FGD6: variants seen among roughly 807,000 people sequenced by gnomAD.
FGD6 encodes the protein FYVE, RhoGEF and PH domain containing 6.
In FGD6, 90 loss-of-function variants were observed where a neutral mutation model predicts 149.4. The observed-to-expected ratio is 0.60, with a 90% CI of 0.51 to 0.72. The LOEUF is 0.72. Ranked by LOEUF, FGD6 falls within the 30% of genes least tolerant of loss-of-function variation. The pLI is 0.00. For missense variants in FGD6, 1,437 were observed against 1,684.8 expected (o/e 0.85, Z 2.57); for synonymous variants, 527 against 584.0 (o/e 0.90, Z 1.41).
rs186826658 is a variant in FGD6, at chr12:95,112,668, C to A, written c.3133+983G>T. Among the ~76,000 whole-genome samples, 137 of 152,086 alleles carry A rather than the reference C, an allele frequency of 9.0e-4. 1 individual carries two copies. Among genetic ancestry groups the A allele is most frequent in the Non-Finnish European group, 1.6e-4 (11 of 67,974 alleles). On this transcript the variant is annotated intron_variant, in intron 9 of 20. Coordinates refer to ENST00000343958, the MANE Select transcript of FGD6 (RefSeq NM_018351.4). Reference sequence around the variant, plus strand: ...GGTTGTTGGGAATAAACAGAAACACCCAAACAGAATTAATCTGTGTGTATG... The same window carrying A: ...GGTTGTTGGGAATAAACAGAAACACACAAACAGAATTAATCTGTGTGTATG...
chr12:95,175,500 C>T (rs1217741617), intron 2 of FGD6, among the ~76,000 whole-genome samples: 1 of 152,124 alleles, frequency 6.6e-6, no homozygotes, highest in Non-Finnish European at 1.5e-5. Context: ...AATCCCAGCA[C>T]TTTGGGAGGC....
intron 2 of FGD6, among the ~76,000 whole-genome samples, chr12:95,179,487 A>AC (rs1217257834): frequency 2.0e-5 from 3 of 152,122 alleles, no homozygotes; most frequent in Non-Finnish European, 4.4e-5. Flanking sequence ...CAGGTGAGGG[A>AC]CCAAGACCTT....
chr12:95,156,722 G>A (rs890193955), intron 3 of FGD6, among the ~76,000 whole-genome samples: 8 of 151,884 alleles, frequency 5.3e-5, no homozygotes, highest in African/African-American at 1.9e-4. Context: ...CGGCTCAGGG[G>A]GCATCACAGA....
intron 3 of FGD6, among the ~76,000 whole-genome samples, chr12:95,163,932 C>T (rs1425198778): frequency 1.3e-5 from 2 of 152,110 alleles, no homozygotes; most frequent in East Asian, 3.9e-4. Context: ...CTTGTAAGAA[C>T]AATGACTGAT....
intron 2 of FGD6, among the ~76,000 whole-genome samples, chr12:95,188,156 G>C (rs1294127359): frequency 2.2e-5 from 2 of 90,966 alleles, no homozygotes; most frequent in African/African-American, 7.4e-5. Context: ...GCAATATAAA[G>C]CAAAGAGTCC....
rs116867624 is a variant in FGD6 at position 95,103,241 on chromosome 12, C to T, written c.3497+1766G>A. ...TGGCATACAGTAAGTGTTACAAAAG[C>T]GTTTGCTTCTATTTTTATTAGATCA... On this transcript the variant is annotated intron_variant, in intron 14 of 20. Transcript: ENST00000343958. Among the ~76,000 whole-genome samples, 924 of 152,288 alleles carry T rather than the reference C, an allele frequency of 6.1e-3. 3 individuals are homozygous for T. The highest frequency in any genetic ancestry group is 0.01 in the Non-Finnish European group (709 of 68,026).
intron 8 of FGD6, among the ~76,000 whole-genome samples, chr12:95,127,437 G>A (rs1421473660): frequency 1.3e-5 from 2 of 152,074 alleles, no homozygotes; most frequent in East Asian, 1.9e-4. Context: ...CCAGCTACTC[G>A]GGCGGTTGAG....
At chr12:95,126,458 G>GA in intron 8 of FGD6, 1 of 866,760 alleles carries the variant, frequency 1.2e-6, no homozygotes, top group Non-Finnish European at 1.7e-6. Context: ...GCCAGCCATG[G>GA]TGGCTCACGC....
chr12:95,125,982 C>T, intron 8 of FGD6: 2 of 1,390,720 alleles, frequency 1.4e-6, no homozygotes, highest in East Asian at 2.3e-5. Flanking sequence ...GTATGTCCCA[C>T]AAGCCTGGCA....
At chr12:95,122,798 C>T (rs998999774) in intron 8 of FGD6, among the ~76,000 whole-genome samples, 16 of 151,042 alleles carry the variant, frequency 1.1e-4, no homozygotes, top group Admixed American at 6.0e-4. Flanking sequence ...AGTGTCATCT[C>T]GGGAGGGGCA....
rs1243280309 is a variant in FGD6 at position 95,089,558 on chromosome 12, G to C, written c.3978+11C>G. ...CCTCTATCACATTGCAAATTTAATG[G>C]AAACACTTACTTCTTTGAGAGCAGC... On this transcript the variant is annotated intron_variant, in intron 18 of 20. Transcript: ENST00000343958. The C allele has an allele frequency of 6.2e-7, 1 of 1,612,064 alleles. No individual in the cohort carries two copies. Among genetic ancestry groups the C allele is most frequent in the East Asian group, 2.2e-5 (1 of 44,830 alleles).
At chr12:95,127,625 G>A (rs1252799646) in intron 8 of FGD6, among the ~76,000 whole-genome samples, 2 of 152,116 alleles carry the variant, frequency 1.3e-5, no homozygotes, top group Non-Finnish European at 2.9e-5. Context: ...CAAATTTATA[G>A]CTTCAGAACA....
intron 7 of FGD6, among the ~76,000 whole-genome samples, chr12:95,135,981 G>A (rs1879654577): frequency 6.6e-6 from 1 of 152,128 alleles, no homozygotes; most frequent in African/African-American, 2.4e-5. Flanking sequence ...GAGAGGAAAA[G>A]AAGAAAAAAT....
Position 95,193,269 on chromosome 12 carries a change from C to G in FGD6, c.2441+15574G>C, listed in dbSNP as rs560549068. Among the ~76,000 whole-genome samples, 35 of 152,110 alleles carry G rather than the reference C, an allele frequency of 2.3e-4. No homozygotes were observed. In the South Asian group the frequency reaches 7.1e-3, roughly 31 times the overall value. On this transcript the variant is annotated intron_variant, in intron 2 of 20. Coordinates refer to ENST00000343958, the MANE Select transcript of FGD6 (RefSeq NM_018351.4). ...GCCCAGATGTCCTTTAAGTGAAATA[C>G]TACTAATATTTAGCAATACTTAGCA...
chr12:95,146,386 T>A (rs1256166043), intron 5 of FGD6, among the ~76,000 whole-genome samples: 1 of 152,202 alleles, frequency 6.6e-6, no homozygotes, highest in Non-Finnish European at 1.5e-5. Flanking sequence ...GCAAAGCTAT[T>A]TTGAGGCAGA....
intron 5 of FGD6, among the ~76,000 whole-genome samples, chr12:95,142,197 A>G (rs1414337521): frequency 1.3e-5 from 2 of 149,530 alleles, no homozygotes; most frequent in African/African-American, 2.5e-5. Context: ...GCTAGAGTAC[A>G]GTGGCGCGAT....
chr12:95,149,656 CA>C (rs71078613), intron 5 of FGD6, among the ~76,000 whole-genome samples: 1 of 137,760 alleles, frequency 7.3e-6, no homozygotes, highest in Non-Finnish European at 1.5e-5. Context: ...ACCCTTTTTT[CA>C]AAAAAAAAGG....
At chr12:95,108,126 T>G (rs1878692435) in intron 11 of FGD6, among the ~76,000 whole-genome samples, 1 of 152,210 alleles carries the variant, frequency 6.6e-6, no homozygotes, top group African/African-American at 2.4e-5. Context: ...TGGGGTCCCT[T>G]GCCGCTCCCC....
At chr12:95,120,952 A>G (rs1879168510) in intron 8 of FGD6, among the ~76,000 whole-genome samples, 1 of 152,084 alleles carries the variant, frequency 6.6e-6, no homozygotes, top group Non-Finnish European at 1.5e-5. Context: ...ATATTTGTTC[A>G]TATTTTTAGT....
Sources: gnomAD v4.1 joint callset for allele counts (sites outside exome capture counted in the v4.1 genomes callset) on GRCh38, gnomAD v4.1.1 for gene constraint, MANE v1.5 for transcripts, NCBI Gene and HGNC (gene_info 2026-07-23, HGNC 2026-07-21) for gene names.